Variants in GALNT9 observed in about 807,000 individuals in gnomAD.
The protein encoded by GALNT9 is polypeptide N-acetylgalactosaminyltransferase 9.
In GALNT9, 47 loss-of-function variants were observed where a neutral mutation model predicts 63.1. The observed-to-expected ratio is 0.75, with a 90% CI of 0.59 to 0.95. GALNT9 has a LOEUF of 0.95. GALNT9 is among the 40% of genes least tolerant of loss of function. The probability of loss-of-function intolerance (pLI) is 0.00; values close to 1 mark genes in which losing one functional copy is unlikely to be tolerated. For missense variants in GALNT9, 829 were observed against 874.8 expected (o/e 0.95, Z 0.66); for synonymous variants, 396 against 365.7 (o/e 1.08, Z -0.94).
At position 132,247,880 on chromosome 12, in the gene GALNT9, C is replaced by T. The variant is rs782708456; in HGVS notation, c.1077+30G>A. On this transcript the variant is annotated intron_variant, in intron 6 of 10. Coordinates refer to ENST00000328957, the MANE Select transcript of GALNT9 (RefSeq NM_001122636.2). ...ACGCTGTGGCCTCACTCGCCCTCAC[C>T]CTGTCCCTGGACACCGGGGCCGCAC... 7.7e-6 allele frequency: 12 copies of T among 1,550,622 alleles called. No individual in the cohort carries two copies. The East Asian group carries it at 2.0e-4, about 25-fold the overall frequency.
At chr12:132,258,004 A>G in intron 4 of GALNT9, 118 bp from the exon 5 acceptor site, 2 of 699,452 alleles carry the variant, frequency 2.9e-6, no homozygotes, top group Non-Finnish European at 4.8e-6. Context: ...TAGCCCTGCC[A>G]CCCCCTGCTG....
chr12:132,237,041 C>T (rs1289599971), intron 6 of GALNT9, among the ~76,000 whole-genome samples: 1 of 152,196 alleles, frequency 6.6e-6, no homozygotes, highest in Admixed American at 6.5e-5. Flanking sequence ...CTCTTCTCCA[C>T]TGGACTTCTC....
chr12:132,203,608 T>G lies in GALNT9; in HGVS notation c.1160A>C (p.Asn387Thr). 1 of 1,613,806 alleles carries G rather than the reference T, an allele frequency of 6.2e-7. No individual in the cohort carries two copies. The highest frequency in any genetic ancestry group is 8.5e-7 in the Non-Finnish European group (1 of 1,179,750). ...GCGCTTGGCATAGTAGTCAATGTCG[T>G]TGTTGTAGGGCTTCCTGGTGCGCTC... ...HIERTRKPYN[N>T]DIDYYAKRNA... The change falls in exon 7 of 11, where the codon AAC becomes ACC. Residue 387 changes from asparagine to threonine, a missense_variant. Transcript: ENST00000328957.
chr12:132,292,516 C>A (rs1555242885), intron 1 of GALNT9, among the ~76,000 whole-genome samples: 1 of 152,240 alleles, frequency 6.6e-6, no homozygotes, highest in Admixed American at 6.5e-5. Flanking sequence ...GGTCTCCACA[C>A]AAAACGGAGC....
At chr12:132,239,991 T>C (rs2136897625) in intron 6 of GALNT9, among the ~76,000 whole-genome samples, 1 of 150,212 alleles carries the variant, frequency 6.7e-6, no homozygotes, top group Admixed American at 6.6e-5. Context: ...GGGAGAGGAG[T>C]GATCAGAGGT....
rs530815305 is a variant in GALNT9 at position 132,245,654 on chromosome 12, C to G, written c.1077+2256G>C. ...CTCCGTGGTCCAGCACCCACACCCC[C>G]AGCCCGGCCTGCTGACCCTCGCCCA... On this transcript the variant is annotated intron_variant, in intron 6 of 10. Transcript: ENST00000328957. This position sits in a 1 kb window ranked among gnomAD's most constrained non-coding sequence, Gnocchi z 6.3. 6.0e-4 allele frequency among the ~76,000 whole-genome samples: 92 copies of G among 152,316 alleles called. No homozygotes were observed. Among genetic ancestry groups the G allele is most frequent in the African/African-American group, 2.1e-3 (87 of 41,564 alleles).
chr12:132,326,249 C>T (rs966213904), intron 1 of GALNT9, among the ~76,000 whole-genome samples: 5 of 152,228 alleles, frequency 3.3e-5, no homozygotes, highest in African/African-American at 4.8e-5. Flanking sequence ...GTGTCTGCTG[C>T]GCACAAAACC....
chr12:132,262,639 G>A lies in GALNT9; in HGVS notation c.420-14C>T, dbSNP rs782208581. ...ATCTGTCTGCACCTGCAGGAAACAC[G>A]GTTTGGGGTGCGGTCAGGGCGCAGC... On this transcript the variant is annotated splice_polypyrimidine_tract_variant and intron_variant, in intron 2 of 10. Transcript: ENST00000328957. The A allele has an allele frequency of 3.5e-5, 53 of 1,535,432 alleles. 1 individual carries two copies. The highest frequency in any genetic ancestry group is 2.7e-4 in the African/African-American group (19 of 70,604).
intron 6 of GALNT9, among the ~76,000 whole-genome samples, chr12:132,228,564 T>C (rs1877786771): frequency 2.6e-5 from 4 of 151,910 alleles, no homozygotes; most frequent in African/African-American, 9.7e-5. Flanking sequence ...AACAGGATCT[T>C]GATGAACCCA....
intron 6 of GALNT9, among the ~76,000 whole-genome samples, chr12:132,217,274 CAT>C (rs1877242606): frequency 1.3e-5 from 2 of 150,496 alleles, no homozygotes; most frequent in Admixed American, 6.6e-5. Flanking sequence ...TTCACTCATC[CAT>C]CTATCTATCC....
At position 132,286,766 on chromosome 12, in the gene GALNT9, T is replaced by C. The variant is rs1310364239; in HGVS notation, c.239-336A>G. Among the ~76,000 whole-genome samples, 1 of 152,170 alleles carries C rather than the reference T, an allele frequency of 6.6e-6. No homozygotes were observed. The highest frequency in any genetic ancestry group is 1.9e-4 in the East Asian group (1 of 5,188). ...TCTTGCTCTGTCACCCAGGCTGCAG[T>C]GCAGTGGCATGATCTCAGCTCACTG... is the stretch of plus-strand genomic sequence containing the variant. On this transcript the variant is annotated intron_variant, in intron 1 of 10. Coordinates refer to ENST00000328957, the MANE Select transcript of GALNT9 (RefSeq NM_001122636.2). This position sits in a 1 kb window ranked among gnomAD's most constrained non-coding sequence, Gnocchi z 7.4.
In GALNT9 at chr12:132,300,265, A is replaced by G. The variant is rs1198832514; in HGVS notation, c.239-13835T>C. Among the ~76,000 whole-genome samples, 10 of 126,244 alleles carry G rather than the reference A, an allele frequency of 7.9e-5. 1 individual carries two copies. Among genetic ancestry groups the G allele is most frequent in the East Asian group, 2.4e-4 (1 of 4,240 alleles). The allele number at this position is 126,244 out of a possible 152,430, so 82.8% of individuals were successfully genotyped here. The stretch of plus-strand genomic sequence containing the variant: ...AACCCACTCCCATGATAACTAACCC[A>G]CTCCCACCACACCTAACCCACCCCT... On this transcript the variant is annotated intron_variant, in intron 1 of 10. Coordinates refer to ENST00000328957, the MANE Select transcript of GALNT9 (RefSeq NM_001122636.2).
rs541116941 is a variant in GALNT9, at chr12:132,204,359, G to C, written c.1078-669C>G. ...TCCTGCCTGTGAGGGTTGGTTTTGT[G>C]TCAGCGTGGCAGGGAACAGGGTGCT... On this transcript the variant is annotated intron_variant, in intron 6 of 10. Transcript: ENST00000328957. Among the ~76,000 whole-genome samples, 3 of 152,224 alleles carry C rather than the reference G, an allele frequency of 2.0e-5. No homozygotes were observed. In the East Asian group the frequency reaches 5.8e-4, roughly 29 times the overall value.
chr12:132,267,464 C>A (rs1446863947), intron 2 of GALNT9, among the ~76,000 whole-genome samples: 1 of 152,316 alleles, frequency 6.6e-6, no homozygotes, highest in Non-Finnish European at 1.5e-5. Context: ...CACGGAGAAC[C>A]CACACCGTCG....
intron 2 of GALNT9, among the ~76,000 whole-genome samples, chr12:132,269,006 C>G (rs554544820): frequency 6.6e-6 from 1 of 152,344 alleles, no homozygotes; most frequent in Admixed American, 6.5e-5. Context: ...ATATCTGAGC[C>G]TGGAGTTCAA....
chr12:132,269,513 C>G (rs112583943), intron 2 of GALNT9, among the ~76,000 whole-genome samples: 1 of 152,118 alleles, frequency 6.6e-6, no homozygotes, highest in African/African-American at 2.4e-5. Flanking sequence ...GAGCCCGTGC[C>G]GGTCCCGAGC....
In GALNT9 at chr12:132,230,763, T is replaced by A. The variant is rs1029426205; in HGVS notation, c.1077+17147A>T. On this transcript the variant is annotated intron_variant, in intron 6 of 10. Coordinates refer to ENST00000328957, the MANE Select transcript of GALNT9 (RefSeq NM_001122636.2). ...GACGTGTGATAGCCACACTGGAGGCTGAGGTATGTGTTAACGGGGTAACAG... is the reference window on the plus strand; with the variant it reads ...GACGTGTGATAGCCACACTGGAGGCAGAGGTATGTGTTAACGGGGTAACAG... Among the ~76,000 whole-genome samples, 458 of 152,336 alleles carry A rather than the reference T, an allele frequency of 3.0e-3. 1 individual carries two copies. The highest frequency in any genetic ancestry group is 0.01 in the African/African-American group (422 of 41,584).
chr12:132,286,594 T>C lies in GALNT9; in HGVS notation c.239-164A>G. ...TGCCAGCTCAGGACATTCCAGAAAG[T>C]GCAAGGCTGTGCGCGGAGTGAGAGG... On this transcript the variant is annotated intron_variant, in intron 1 of 10. Transcript: ENST00000328957. The surrounding 1 kb of genome is among the most constrained non-coding windows in gnomAD (Gnocchi z 7.4). 1.7e-6 allele frequency: 2 copies of C among 1,196,548 alleles called. No individual in the cohort carries two copies. Among genetic ancestry groups the C allele is most frequent in the South Asian group, 3.3e-5 (2 of 61,320 alleles). 74.1% of individuals were successfully genotyped at this position (1,196,548 alleles called of 1,614,324 possible). A position where few individuals can be genotyped will look rare whatever the true frequency, so the allele number is the denominator to read the frequency against.
At chr12:132,197,767 CG>C in intron 10 of GALNT9, 24 bp downstream of exon 10, 1 of 1,459,836 alleles carries the variant, frequency 6.9e-7, no homozygotes, top group African/African-American at 1.4e-5. Context: ...CCCAACCCCA[CG>C]GCCCCCCTTC....
Sources: gnomAD v4.1 joint callset for allele counts (sites outside exome capture counted in the v4.1 genomes callset) on GRCh38, gnomAD v4.1.1 for gene constraint, Gnocchi (gnomAD v3.1) non-coding constraint, MANE v1.5 for transcripts, NCBI Gene and HGNC (gene_info 2026-07-23, HGNC 2026-07-21) for gene names.